Variants in GIT2 observed in about 807,000 individuals in gnomAD.
GIT2 encodes the protein ARF GTPase-activating protein GIT2.
A neutral mutation model predicts 100.3 loss-of-function variants in GIT2; 32 were observed. That is an observed-to-expected ratio of 0.32 (90% confidence interval 0.24 to 0.43). The LOEUF is 0.43. GIT2 is among the 20% of genes least tolerant of loss of function. The pLI, the probability that GIT2 is intolerant of heterozygous loss-of-function variation, is 1.00. For missense variants in GIT2, 737 were observed against 975.1 expected, an observed-to-expected ratio of 0.76 and a Z score of 3.25; for synonymous variants, 353 against 364.1, an observed-to-expected ratio of 0.97 and a Z score of 0.35.
Position 109,929,922 on chromosome 12 carries a change from G to C in GIT2, c.*3056C>G, listed in dbSNP as rs1369120884. On this transcript the variant is annotated 3_prime_UTR_variant, in exon 20 of 20. Coordinates refer to ENST00000355312, the MANE Select transcript of GIT2 (RefSeq NM_057169.5). ...TGTACAATAAAAAGTACAGAATAAT[G>C]AGTGACAGGGATCAAACACGTTGGA... 1 of 152,574 alleles carries C rather than the reference G, an allele frequency of 6.6e-6. No homozygotes were observed. Among genetic ancestry groups the C allele is most frequent in the Non-Finnish European group, 1.5e-5 (1 of 68,028 alleles). 9.5% of individuals were successfully genotyped at this position (152,574 alleles called of 1,614,324 possible). A position where few individuals can be genotyped will look rare whatever the true frequency, so the allele number is the denominator to read the frequency against.
chr12:109,953,007 C>T (rs1329372195), intron 13 of GIT2, 85 bp downstream of exon 13: 7 of 1,414,278 alleles, frequency 4.9e-6, no homozygotes, highest in African/African-American at 1.4e-5. Context: ...TAGTAACAAA[C>T]CCAACCTCAC....
At chr12:109,983,264 A>C in intron 6 of GIT2, 109 bp downstream of exon 6, 1 of 958,952 alleles carries the variant, frequency 1.0e-6, no homozygotes, top group Non-Finnish European at 1.6e-6. Context: ...AAAATAACGT[A>C]CATCTTTAAA....
At chr12:109,964,829 G>A (rs1361595542) in intron 9 of GIT2, among the ~76,000 whole-genome samples, 2 of 152,140 alleles carry the variant, frequency 1.3e-5, no homozygotes, top group African/African-American at 4.8e-5. Context: ...GGAGAGAAGT[G>A]CCCCGGTGAG....
intron 16 of GIT2, among the ~76,000 whole-genome samples, chr12:109,943,388 T>G (rs1329577068): frequency 6.6e-6 from 1 of 151,770 alleles, no homozygotes; most frequent in Non-Finnish European, 1.5e-5. Context: ...AGTGCAGTGG[T>G]GCAATCTCGG....
At position 109,932,463 on chromosome 12, in the gene GIT2, G is replaced by A. The variant is rs1239591503; in HGVS notation, c.*515C>T. The A allele has an allele frequency of 6.5e-6, 1 of 153,880 alleles. No individual in the cohort carries two copies. Among genetic ancestry groups the A allele is most frequent in the Non-Finnish European group, 1.4e-5 (1 of 69,226 alleles). The allele number at this position is 153,880 out of a possible 1,614,324, so 9.5% of individuals were successfully genotyped here. A position where few individuals can be genotyped will look rare whatever the true frequency, so the allele number is the denominator to read the frequency against. ...GAGACTGTGACACTAGTTTTAAAAA[G>A]CGGCAAAGTCCTTTCTCTACATACA... On this transcript the variant is annotated 3_prime_UTR_variant, in exon 20 of 20. Transcript: ENST00000355312.
intron 6 of GIT2, 154 bp from the exon 7 acceptor site, chr12:109,981,200 T>C: frequency 1.6e-6 from 1 of 618,598 alleles, no homozygotes; most frequent in East Asian, 2.6e-5. Context: ...TTCTGAAGTC[T>C]ACTTTGCATC....
At position 109,931,931 on chromosome 12, in the gene GIT2, CT is replaced by C. The variant is rs1871704148; in HGVS notation, c.*1046del. ...CATGAGGTGATGGAGGAGAAACTAA[CT>C]CAGATGACTGCGATACGATACATCT... On this transcript the variant is annotated 3_prime_UTR_variant, in exon 20 of 20. Transcript: ENST00000355312. 6.6e-6 allele frequency: 1 copy of C among 152,206 alleles called. No individual in the cohort carries two copies. Among genetic ancestry groups the C allele is most frequent in the Non-Finnish European group, 1.5e-5 (1 of 68,038 alleles). 9.4% of individuals were successfully genotyped at this position (152,206 alleles called of 1,614,324 possible). A position where few individuals can be genotyped will look rare whatever the true frequency, so the allele number is the denominator to read the frequency against.
At chr12:109,979,882 T>C (rs1885962043) in intron 7 of GIT2, among the ~76,000 whole-genome samples, 1 of 152,178 alleles carries the variant, frequency 6.6e-6, no homozygotes, top group African/African-American at 2.4e-5. Context: ...CATACATGTA[T>C]GTGAATGTTG....
chr12:109,994,972 A>C (rs1430536119), intron 1 of GIT2, among the ~76,000 whole-genome samples: 1 of 152,194 alleles, frequency 6.6e-6, no homozygotes, highest in Non-Finnish European at 1.5e-5. Context: ...GCCATAAAAC[A>C]ACCACATGAG....
chr12:109,967,287 T>G (rs1593063331), intron 8 of GIT2, 171 bp downstream of exon 8: 1 of 1,563,038 alleles, frequency 6.4e-7, no homozygotes, highest in African/African-American at 1.4e-5. Context: ...TCTTTGAAAC[T>G]TAAGTTTTAT....
intron 3 of GIT2, 97 bp from the exon 4 acceptor site, chr12:109,989,165 C>A: frequency 1.3e-6 from 1 of 766,528 alleles, no homozygotes; most frequent in Non-Finnish European, 2.3e-6. Flanking sequence ...CCCACATCCC[C>A]CACTTGAGAA....
chr12:109,999,824 T>C, upstream of GIT2: 2 of 1,477,992 alleles, frequency 1.4e-6, no homozygotes, highest in East Asian at 2.7e-5. This position sits in a 1 kb window ranked among gnomAD's most constrained non-coding sequence, Gnocchi z 4.3. Flanking sequence ...GGTGGGGACT[T>C]CGGGGAATCG....
At chr12:109,978,086 T>G (rs916260141) in intron 7 of GIT2, among the ~76,000 whole-genome samples, 4 of 129,058 alleles carry the variant, frequency 3.1e-5, no homozygotes, top group Admixed American at 1.4e-4. Context: ...GTTTTTTTTT[T>G]TTTTTTTTTT....
chr12:109,999,411 T>C, upstream of GIT2: 1 of 183,534 alleles, frequency 5.4e-6, no homozygotes, highest in Non-Finnish European at 1.1e-5. This position sits in a 1 kb window ranked among gnomAD's most constrained non-coding sequence, Gnocchi z 4.3. Flanking sequence ...ACTTCCCTGT[T>C]TGGGGCAGTT....
intron 7 of GIT2, among the ~76,000 whole-genome samples, chr12:109,976,589 TTTTC>T (rs1449038562): frequency 6.7e-6 from 1 of 149,842 alleles, no homozygotes; most frequent in Admixed American, 6.7e-5. Flanking sequence ...TGGCGTTTTC[TTTTC>T]TTTTTTTTTT....
At chr12:109,977,984 G>T (rs1885460576) in intron 7 of GIT2, among the ~76,000 whole-genome samples, 1 of 150,516 alleles carries the variant, frequency 6.6e-6, no homozygotes. Context: ...GTTTGATTTT[G>T]ATGTGTCTCA....
At chr12:109,976,682 A>C (rs889926378) in intron 7 of GIT2, among the ~76,000 whole-genome samples, 1 of 138,822 alleles carries the variant, frequency 7.2e-6, no homozygotes, top group African/African-American at 2.7e-5. Flanking sequence ...TTTGCCTCCT[A>C]GGTTCAAGTG....
chr12:109,996,124 G>T (rs753204903), intron 1 of GIT2, 49 bp downstream of exon 1: 21 of 1,265,800 alleles, frequency 1.7e-5, no homozygotes, highest in Non-Finnish European at 2.0e-5. Flanking sequence ...CGGGGTAGGG[G>T]TCCGGGCCAG....
intron 18 of GIT2, among the ~76,000 whole-genome samples, chr12:109,935,855 C>T (rs11068958): frequency 0.07 from 10,719 of 152,250 alleles, 625 homozygotes; most frequent in African/African-American, 0.15. Flanking sequence ...GATAGAAAAG[C>T]GAGCACACCC....
Sources: allele counts gnomAD v4.1 joint callset (sites outside exome capture counted in the v4.1 genomes callset), GRCh38; gene constraint gnomAD v4.1.1; non-coding constraint Gnocchi (gnomAD v3.1); transcripts MANE v1.5; gene names NCBI Gene and HGNC (gene_info 2026-07-23, HGNC 2026-07-21).